The following CADM2 variants were observed in gnomAD, a reference collection of about 807,000 sequenced individuals.
CADM2 encodes immunoglobulin superfamily member 4D.
Under a neutral mutation model 49.8 loss-of-function variants are expected in CADM2, and 12 were observed. That is an observed-to-expected ratio of 0.24 (90% CI 0.15 to 0.39). The LOEUF (loss-of-function observed/expected upper bound fraction) is 0.39, where lower values mean the gene tolerates loss of function less well. CADM2 is among the 10% of genes least tolerant of loss of function. CADM2 has a pLI of 1.00. For missense variants in CADM2, 378 were observed against 492.3 expected, an observed-to-expected ratio of 0.77 and a Z score of 2.20; for synonymous variants, 214 against 175.4, an observed-to-expected ratio of 1.22 and a Z score of -1.74.
chr3:85,504,098 T>C (rs1576671669), intron 1 of CADM2, among the ~76,000 whole-genome samples: 1 of 152,192 alleles, frequency 6.6e-6, no homozygotes, highest in East Asian at 1.9e-4. Flanking sequence ...CGGTGAGTGT[T>C]ACAGTTCTTA....
chr3:85,619,748 G>A (rs925058555), intron 1 of CADM2, among the ~76,000 whole-genome samples: 1 of 152,034 alleles, frequency 6.6e-6, no homozygotes, highest in Non-Finnish European at 1.5e-5. Flanking sequence ...AATTATTTTT[G>A]TCCCACAGAA....
chr3:85,115,679 G>T (rs2107579144), intron 1 of CADM2, among the ~76,000 whole-genome samples: 1 of 152,240 alleles, frequency 6.6e-6, no homozygotes, highest in African/African-American at 2.4e-5. Flanking sequence ...ATTATGTCAA[G>T]GTAAAAGGTT....
intron 1 of CADM2, among the ~76,000 whole-genome samples, chr3:84,990,572 G>A (rs1332402892): frequency 6.6e-6 from 1 of 151,806 alleles, no homozygotes; most frequent in Non-Finnish European, 1.5e-5. Flanking sequence ...TAGAAATTAT[G>A]GTTGCTTGGT....
intron 1 of CADM2, among the ~76,000 whole-genome samples, chr3:85,145,724 G>A (rs1420828841): frequency 6.6e-6 from 1 of 151,948 alleles, no homozygotes; most frequent in African/African-American, 2.4e-5. Context: ...TGATTTTGGG[G>A]TGATTAATTT....
At chr3:85,531,820 A>G (rs949628286) in intron 1 of CADM2, among the ~76,000 whole-genome samples, 4 of 152,148 alleles carry the variant, frequency 2.6e-5, no homozygotes, top group African/African-American at 9.7e-5. Flanking sequence ...CCATCCTCTA[A>G]TTGCTTGTGA....
At chr3:85,160,503 C>T (rs1173847667) in intron 1 of CADM2, among the ~76,000 whole-genome samples, 1 of 152,098 alleles carries the variant, frequency 6.6e-6, no homozygotes, top group Non-Finnish European at 1.5e-5. Context: ...GTAGGGTCTC[C>T]TCTAAGATTA....
At chr3:85,253,072 A>G (rs1413508431) in intron 1 of CADM2, among the ~76,000 whole-genome samples, 1 of 152,100 alleles carries the variant, frequency 6.6e-6, no homozygotes, top group African/African-American at 2.4e-5. Context: ...AAGAAACCAA[A>G]AGAAATATGC....
At chr3:85,870,238 TTGA>T (rs1169653568) in intron 3 of CADM2, among the ~76,000 whole-genome samples, 3 of 151,516 alleles carry the variant, frequency 2.0e-5, no homozygotes, top group South Asian at 2.1e-4. Flanking sequence ...TTTGTTGTTG[TTGA>T]TGATGATTTT....
chr3:85,598,301 C>T (rs2063301257), intron 1 of CADM2, among the ~76,000 whole-genome samples: 1 of 151,476 alleles, frequency 6.6e-6, no homozygotes, highest in Admixed American at 6.6e-5. Flanking sequence ...TCAAGCCAAA[C>T]ACTGGAGACC....
intron 1 of CADM2, among the ~76,000 whole-genome samples, chr3:85,664,492 A>G (rs1262810144): frequency 1.3e-5 from 2 of 151,972 alleles, no homozygotes; most frequent in African/African-American, 2.4e-5. Context: ...CATCAGATGC[A>G]TCAACAAAAT....
intron 1 of CADM2, among the ~76,000 whole-genome samples, chr3:85,389,564 A>C (rs2034419257): frequency 6.6e-6 from 1 of 152,098 alleles, no homozygotes; most frequent in African/African-American, 2.4e-5. Context: ...TGTGTATTCA[A>C]ATTCAAGTCC....
intron 1 of CADM2, among the ~76,000 whole-genome samples, chr3:85,375,489 C>A (rs900020375): frequency 6.6e-6 from 1 of 152,118 alleles, no homozygotes; most frequent in Non-Finnish European, 1.5e-5. Context: ...AATTTTGATG[C>A]AGTAATTTCA....
At chr3:85,578,493 A>T (rs72909291) in intron 1 of CADM2, among the ~76,000 whole-genome samples, 1 of 152,220 alleles carries the variant, frequency 6.6e-6, no homozygotes, top group Admixed American at 6.5e-5. Context: ...AAATAAATAG[A>T]TCAAGACTTT....
intron 1 of CADM2, among the ~76,000 whole-genome samples, chr3:85,512,991 T>C (rs2060807038): frequency 6.6e-6 from 1 of 152,066 alleles, no homozygotes; most frequent in Admixed American, 6.6e-5. Flanking sequence ...AGGCCAAGTT[T>C]AATCATAGTT....
chr3:85,153,846 C>G (rs529012753), intron 1 of CADM2, among the ~76,000 whole-genome samples: 8 of 152,262 alleles, frequency 5.3e-5, no homozygotes, highest in South Asian at 4.1e-4. Flanking sequence ...CCTCACATGG[C>G]CTGGTACTCC....
chr3:85,413,300 A>T (rs2107475709), intron 1 of CADM2, among the ~76,000 whole-genome samples: 1 of 151,946 alleles, frequency 6.6e-6, no homozygotes, highest in South Asian at 2.1e-4. Flanking sequence ...AAACAAACAT[A>T]TTTTCCTTTG....
chr3:86,017,283 T>G (rs1732396091), intron 8 of CADM2, among the ~76,000 whole-genome samples: 1 of 151,212 alleles, frequency 6.6e-6, no homozygotes, highest in South Asian at 2.1e-4. Flanking sequence ...TCCTCAAGAG[T>G]TCTATGATTT....
chr3:85,137,846 CG>C (rs1251423813), intron 1 of CADM2, among the ~76,000 whole-genome samples: 3 of 151,836 alleles, frequency 2.0e-5, no homozygotes, highest in Non-Finnish European at 4.4e-5. Context: ...GACAAAATAA[CG>C]TTTCTGAATA....
chr3:85,946,614 C>A (rs1166056457), intron 7 of CADM2, among the ~76,000 whole-genome samples: 1 of 152,000 alleles, frequency 6.6e-6, no homozygotes, highest in African/African-American at 2.4e-5. Context: ...ACCAATGGAA[C>A]AGAACAGAGC....
Sources: allele counts gnomAD v4.1 joint callset (sites outside exome capture counted in the v4.1 genomes callset), GRCh38; gene constraint gnomAD v4.1.1; transcripts MANE v1.5; gene names NCBI Gene and HGNC (gene_info 2026-07-23, HGNC 2026-07-21).